Variants in TNNI3K observed in about 807,000 individuals in gnomAD.
The protein encoded by TNNI3K is TNNI3 interacting kinase.
In TNNI3K, 140 loss-of-function variants were observed where a neutral mutation model predicts 114.5. The ratio of observed to expected loss-of-function variants is 1.22; its 90% CI spans 1.07 to 1.41. The LOEUF (loss-of-function observed/expected upper bound fraction) is 1.41. TNNI3K is among the 40% of genes most tolerant of loss of function. TNNI3K has a pLI of 0.00. For missense variants in TNNI3K, 1,125 were observed against 1,007.6 expected, an observed-to-expected ratio of 1.12 and a Z score of -1.58; for synonymous variants, 347 against 347.5, an observed-to-expected ratio of 1.00 and a Z score of 0.02.
chr1:74,498,174 A>G (rs1346955117), intron 23 of TNNI3K, among the ~76,000 whole-genome samples: 1 of 152,208 alleles, frequency 6.6e-6, no homozygotes, highest in Admixed American at 6.5e-5. Flanking sequence ...TAGAAGTTCC[A>G]CTAGTTCCCA....
At chr1:74,366,229 T>TAAA (rs1662265504) in intron 11 of TNNI3K, among the ~76,000 whole-genome samples, 2 of 152,084 alleles carry the variant, frequency 1.3e-5, no homozygotes, top group Non-Finnish European at 2.9e-5. Context: ...TAAGCTCTGT[T>TAAA]GTATTTCACA....
intron 5 of TNNI3K, among the ~76,000 whole-genome samples, chr1:74,308,933 C>T (rs991128424): frequency 6.6e-6 from 1 of 152,106 alleles, no homozygotes. Context: ...AAACACACCA[C>T]CTCCTAAGAC....
At chr1:74,473,638 C>T (rs1212980244) in intron 21 of TNNI3K, among the ~76,000 whole-genome samples, 2 of 151,930 alleles carry the variant, frequency 1.3e-5, no homozygotes, top group Non-Finnish European at 2.9e-5. Context: ...ACTCCATCTC[C>T]AATTTTCCCC....
intron 5 of TNNI3K, among the ~76,000 whole-genome samples, chr1:74,310,670 A>T (rs1432336533): frequency 6.6e-6 from 1 of 152,116 alleles, no homozygotes; most frequent in African/African-American, 2.4e-5. Flanking sequence ...GAATAAAACC[A>T]TACACTTACA....
intron 17 of TNNI3K, among the ~76,000 whole-genome samples, chr1:74,399,515 G>A (rs1664256548): frequency 6.6e-6 from 1 of 151,988 alleles, no homozygotes; most frequent in South Asian, 2.1e-4. Flanking sequence ...CCCATGCTGG[G>A]AAGGTCCCTT....
At chr1:74,293,839 AT>A (rs2100296256) in intron 5 of TNNI3K, among the ~76,000 whole-genome samples, 1 of 151,886 alleles carries the variant, frequency 6.6e-6, no homozygotes, top group South Asian at 2.1e-4. Flanking sequence ...ATGTATAGAC[AT>A]TTTTATCACA....
chr1:74,384,826 C>A (rs1389256917), intron 17 of TNNI3K, among the ~76,000 whole-genome samples: 1 of 151,916 alleles, frequency 6.6e-6, no homozygotes, highest in Admixed American at 6.6e-5. Context: ...TGTTGATGTT[C>A]AGCTTCTTAA....
chr1:74,351,735 A>G (rs1419135309), intron 9 of TNNI3K, among the ~76,000 whole-genome samples: 1 of 152,000 alleles, frequency 6.6e-6, no homozygotes, highest in Non-Finnish European at 1.5e-5. Context: ...CATCACTGAT[A>G]CCCTTTCTTC....
intron 17 of TNNI3K, chr1:74,401,766 C>A: frequency 2.4e-6 from 1 of 424,458 alleles, no homozygotes; most frequent in Non-Finnish European, 4.7e-6. Context: ...TAAATTCAAA[C>A]CATAAAATTG....
chr1:74,490,790 C>G (rs1669031877), intron 22 of TNNI3K, among the ~76,000 whole-genome samples: 2 of 152,202 alleles, frequency 1.3e-5, no homozygotes, highest in Admixed American at 6.5e-5. Context: ...TATTTGAAAG[C>G]AGGACCCTAG....
intron 23 of TNNI3K, among the ~76,000 whole-genome samples, chr1:74,501,474 G>GTGTTTGTTTGTTTGTT (rs71588835): frequency 4.3e-4 from 65 of 149,942 alleles, no homozygotes; most frequent in East Asian, 1.6e-3. Flanking sequence ...TTTTTGTTTT[G>GTGTTTGTTTGTTTGTT]TGTTTGTTTG....
intron 11 of TNNI3K, among the ~76,000 whole-genome samples, chr1:74,366,366 C>G (rs1662271803): frequency 6.6e-6 from 1 of 151,998 alleles, no homozygotes; most frequent in Non-Finnish European, 1.5e-5. Context: ...CATTGCATTA[C>G]TCAGAGGATC....
Position 74,424,901 on chromosome 1 carries a change from C to T in TNNI3K, c.1773-11179C>T, listed in dbSNP as rs1045818992. 5.3e-5 allele frequency among the ~76,000 whole-genome samples: 8 copies of T among 152,022 alleles called. No individual in the cohort carries two copies. The East Asian group carries it at 7.7e-4, about 15-fold the overall frequency. ...GTGGCTTAAGAATAGTTTTAATCCA[C>T]CTGGAGAAATATGAGATCTGTGCAA... On this transcript the variant is annotated intron_variant, in intron 17 of 24. Coordinates refer to ENST00000326637, the MANE Select transcript of TNNI3K (RefSeq NM_015978.3).
At position 74,369,047 on chromosome 1, in the gene TNNI3K, A is replaced by G; in HGVS notation, c.1347A>G (p.Arg449=). The G allele has an allele frequency of 1.9e-6, 3 of 1,608,722 alleles. No individual in the cohort carries two copies. Among genetic ancestry groups the G allele is most frequent in the Non-Finnish European group, 2.5e-6 (3 of 1,177,948 alleles). The change falls in exon 14 of 25, where the codon AGA becomes AGG. Residue 449 remains arginine, a synonymous_variant. Coordinates refer to ENST00000326637, the MANE Select transcript of TNNI3K (RefSeq NM_015978.3). ...TKEKADILLL[R]AGLPSHFHLQ... is the part of the protein sequence containing the mutation. Reference sequence around the variant, plus strand: ...AGAAGGCAGATATTCTCCTCCTAAGAGCTGGATTGCCTTCACATTTCCATC... The same window carrying G: ...AGAAGGCAGATATTCTCCTCCTAAGGGCTGGATTGCCTTCACATTTCCATC...
chr1:74,530,250 AG>A (rs1388703688), intron 23 of TNNI3K, among the ~76,000 whole-genome samples: 1 of 152,202 alleles, frequency 6.6e-6, no homozygotes, highest in East Asian at 1.9e-4. Flanking sequence ...CCATGGAAAA[AG>A]GAAGAGAGAT....
At chr1:74,436,053 TA>T (rs1666108696) in intron 17 of TNNI3K, 26 bp from the exon 18 acceptor site, 1 of 1,529,024 alleles carries the variant, frequency 6.5e-7, no homozygotes, top group Non-Finnish European at 8.8e-7. Flanking sequence ...ACTCAATGTC[TA>T]CTTTTTTTTT....
At chr1:74,262,564 A>G (rs1162104967) in intron 4 of TNNI3K, among the ~76,000 whole-genome samples, 1 of 152,100 alleles carries the variant, frequency 6.6e-6, no homozygotes, top group Non-Finnish European at 1.5e-5. Flanking sequence ...CAAAAAAAAA[A>G]GAATCCCACT....
intron 5 of TNNI3K, among the ~76,000 whole-genome samples, chr1:74,300,829 G>A (rs1658280333): frequency 6.6e-6 from 1 of 152,138 alleles, no homozygotes; most frequent in Non-Finnish European, 1.5e-5. Flanking sequence ...AGCCTTGGGT[G>A]GGGATGAGGT....
At chr1:74,463,663 GA>G in intron 21 of TNNI3K, 113 bp downstream of exon 21, 1 of 1,195,540 alleles carries the variant, frequency 8.4e-7, no homozygotes, top group South Asian at 1.4e-5. Flanking sequence ...AAGGCGGGAA[GA>G]CTGATTTGCC....
Sources: allele counts gnomAD v4.1 joint callset (sites outside exome capture counted in the v4.1 genomes callset), GRCh38; gene constraint gnomAD v4.1.1; transcripts MANE v1.5; gene names NCBI Gene and HGNC (gene_info 2026-07-23, HGNC 2026-07-21).